The following C9orf85 variants were observed in gnomAD, a reference collection of about 807,000 sequenced individuals.
C9orf85 encodes uncharacterized protein C9orf85.
A neutral mutation model predicts 14.9 loss-of-function variants in C9orf85; 16 were observed. The observed-to-expected ratio is 1.08, with a 90% CI of 0.73 to 1.63. C9orf85 has a LOEUF of 1.63. Ranked by LOEUF, C9orf85 falls within the 40% of genes most tolerant of loss-of-function variation. The pLI, the probability that C9orf85 is intolerant of heterozygous loss-of-function variation, is 0.00. For synonymous variants in C9orf85, 45 were observed against 56.8 expected, an observed-to-expected ratio of 0.79 and a Z score of 0.93; for missense variants, 172 against 186.1, an observed-to-expected ratio of 0.92 and a Z score of 0.44.
chr9:71,954,985 G>A (rs1161183323), intron 2 of C9orf85, among the ~76,000 whole-genome samples: 1 of 152,102 alleles, frequency 6.6e-6, no homozygotes, highest in Non-Finnish European at 1.5e-5. Flanking sequence ...AGACGTTAAA[G>A]ATAATATTTT....
intron 3 of C9orf85, among the ~76,000 whole-genome samples, chr9:71,980,752 A>T (rs1478587037): frequency 1.3e-5 from 2 of 152,146 alleles, no homozygotes; most frequent in Non-Finnish European, 2.9e-5. Context: ...GTAACTAAAC[A>T]GTTACACACT....
chr9:71,968,248 C>CTG (rs1047116984), intron 2 of C9orf85, among the ~76,000 whole-genome samples: 3 of 151,792 alleles, frequency 2.0e-5, no homozygotes, highest in Non-Finnish European at 4.4e-5. Context: ...AAATACTCAT[C>CTG]TGTCATTTTC....
chr9:71,913,921 A>G (rs181891972), intron 1 of C9orf85, among the ~76,000 whole-genome samples: 1 of 152,242 alleles, frequency 6.6e-6, no homozygotes, highest in East Asian at 1.9e-4. Flanking sequence ...AAGTTATGAA[A>G]AAGTCTCATT....
chr9:71,923,519 C>T (rs1313845494), intron 1 of C9orf85, among the ~76,000 whole-genome samples: 2 of 152,162 alleles, frequency 1.3e-5, no homozygotes, highest in African/African-American at 2.4e-5. Context: ...CTGCCCACTT[C>T]GGCCTCCCAA....
chr9:71,981,133 T>A (rs1339449870), intron 3 of C9orf85, among the ~76,000 whole-genome samples: 1 of 152,190 alleles, frequency 6.6e-6, no homozygotes, highest in Non-Finnish European at 1.5e-5. Context: ...CATGAACATC[T>A]GATATAAAGT....
intron 1 of C9orf85, 66 bp from the exon 2 acceptor site, chr9:71,946,940 T>G: frequency 9.2e-7 from 1 of 1,081,812 alleles, no homozygotes; most frequent in Non-Finnish European, 1.4e-6. Flanking sequence ...CATACACTCT[T>G]TTATGGGATT....
chr9:71,930,061 T>C (rs1828033569), intron 1 of C9orf85, among the ~76,000 whole-genome samples: 1 of 151,420 alleles, frequency 6.6e-6, no homozygotes, highest in South Asian at 2.1e-4. Flanking sequence ...GTTTGTAGAT[T>C]TATGGTAGCA....
chr9:71,978,454 C>T (rs1823042245), downstream of C9orf85, among the ~76,000 whole-genome samples: 1 of 152,144 alleles, frequency 6.6e-6, no homozygotes, highest in African/African-American at 2.4e-5. Flanking sequence ...TTGAATTCAA[C>T]ATAAGTTGTA....
intron 2 of C9orf85, among the ~76,000 whole-genome samples, chr9:71,964,107 C>T (rs1034946062): frequency 1.3e-5 from 2 of 152,122 alleles, no homozygotes; most frequent in African/African-American, 4.8e-5. Context: ...CACCAATCGA[C>T]ACTGTATCTA....
At chr9:71,949,999 T>C (rs1822204579) in intron 2 of C9orf85, among the ~76,000 whole-genome samples, 1 of 152,144 alleles carries the variant, frequency 6.6e-6, no homozygotes, top group Admixed American at 6.5e-5. Flanking sequence ...CAAAGCGCCA[T>C]ATTTTGGGGT....
intron 2 of C9orf85, among the ~76,000 whole-genome samples, chr9:71,951,679 T>C (rs1822249318): frequency 6.6e-6 from 1 of 152,196 alleles, no homozygotes; most frequent in African/African-American, 2.4e-5. Flanking sequence ...AGGAAAAGTC[T>C]AAATCTTTTT....
intron 2 of C9orf85, among the ~76,000 whole-genome samples, chr9:71,961,464 G>T: frequency 6.6e-6 from 1 of 151,970 alleles, no homozygotes; most frequent in East Asian, 2.0e-4. Context: ...GGGAGGCTAA[G>T]GCAGGAGAAT....
intron 2 of C9orf85, among the ~76,000 whole-genome samples, chr9:71,960,934 C>A (rs987655108): frequency 3.6e-5 from 5 of 138,116 alleles, no homozygotes; most frequent in African/African-American, 1.4e-4. Flanking sequence ...TTTTTTGAGA[C>A]GGAGTTTTGC....
rs147334144 is a variant in C9orf85, at chr9:71,961,486, G to A, written c.210-10019G>A. On this transcript the variant is annotated intron_variant, in intron 2 of 3. Transcript: ENST00000334731. The stretch of plus-strand genomic sequence containing the variant: ...TAAGGCAGGAGAATCGCTTGAACCT[G>A]GGAGGCTGAGGTTGTGGTGAGCTGA... Among the ~76,000 whole-genome samples the A allele has an allele frequency of 7.9e-4, 120 of 152,124 alleles. 1 individual carries two copies. In the East Asian group the frequency reaches 0.022, roughly 28 times the overall value.
intron 2 of C9orf85, among the ~76,000 whole-genome samples, chr9:71,953,389 A>C (rs1181152608): frequency 1.3e-5 from 2 of 152,192 alleles, no homozygotes; most frequent in African/African-American, 4.8e-5. Flanking sequence ...AGACCTTACA[A>C]GCTGTGTGAT....
rs115217318 is a variant in C9orf85, at chr9:71,940,309, A to C, written c.103-6697A>C. 2.4e-3 allele frequency among the ~76,000 whole-genome samples: 358 copies of C among 152,230 alleles called. 2 individuals carry two copies. Among genetic ancestry groups the C allele is most frequent in the African/African-American group, 8.3e-3 (343 of 41,544 alleles). On this transcript the variant is annotated intron_variant, in intron 1 of 3. Coordinates refer to ENST00000334731, the MANE Select transcript of C9orf85 (RefSeq NM_182505.5). The stretch of plus-strand genomic sequence containing the variant: ...TGGGGCCAGGCACAGTGGTTTATGC[A>C]TGCAATCCCAACTACATGGGAGGCT...
At chr9:71,967,196 T>A (rs1243483416) in intron 2 of C9orf85, among the ~76,000 whole-genome samples, 1 of 152,240 alleles carries the variant, frequency 6.6e-6, no homozygotes, top group Non-Finnish European at 1.5e-5. Context: ...GTATAATTCT[T>A]GATTTTATAT....
At chr9:71,917,172 A>C (rs145206772) in intron 1 of C9orf85, among the ~76,000 whole-genome samples, 56 of 152,358 alleles carry the variant, frequency 3.7e-4, no homozygotes, top group African/African-American at 1.3e-3. Flanking sequence ...TTTTGGGTGT[A>C]ATGGAAGCAG....
At chr9:71,963,064 A>G (rs1589268231) in intron 2 of C9orf85, among the ~76,000 whole-genome samples, 1 of 152,176 alleles carries the variant, frequency 6.6e-6, no homozygotes, top group Non-Finnish European at 1.5e-5. Flanking sequence ...CTCACCAAAA[A>G]AAAAGGTTGT....
Sources: gnomAD v4.1 joint callset for allele counts (sites outside exome capture counted in the v4.1 genomes callset) on GRCh38, gnomAD v4.1.1 for gene constraint, MANE v1.5 for transcripts, NCBI Gene and HGNC (gene_info 2026-07-23, HGNC 2026-07-21) for gene names.